The following NOL4L variants were observed in gnomAD, a reference collection of about 807,000 sequenced individuals.
NOL4L encodes nucleolar protein 4 like.
Under a neutral mutation model 64.5 loss-of-function variants are expected in NOL4L, and 7 were observed. The observed-to-expected ratio is 0.11, with a 90% confidence interval of 0.06 to 0.20. The LOEUF is 0.20. Among genes scored for constraint, NOL4L ranks in the 10% least tolerant of loss-of-function variants. The pLI is 1.00. For synonymous variants in NOL4L, 413 were observed against 401.0 expected (o/e 1.03, Z -0.36); for missense variants, 680 against 967.1 (o/e 0.70, Z 3.94).
intron 9 of NOL4L, 139 bp from the exon 10 acceptor site, chr20:32,452,576 T>G: frequency 1.2e-6 from 1 of 861,202 alleles, no homozygotes; most frequent in Non-Finnish European, 1.7e-6. Context: ...TGGGATTCTG[T>G]CTGTCCCCTC....
intron 3 of NOL4L, among the ~76,000 whole-genome samples, chr20:32,518,889 G>A (rs1026243656): frequency 4.6e-5 from 7 of 152,240 alleles, no homozygotes; most frequent in African/African-American, 1.7e-4. Context: ...CCACGTGGGT[G>A]GCAGCATTCA....
At chr20:32,471,355 C>G (rs117753447) in intron 5 of NOL4L, among the ~76,000 whole-genome samples, 1 of 148,022 alleles carries the variant, frequency 6.8e-6, no homozygotes, top group South Asian at 2.1e-4. Context: ...GGCTCAGAGG[C>G]AAGCTCCCGG....
At chr20:32,447,927 G>A in intron 10 of NOL4L, 111 bp from the exon 11 acceptor site, 1 of 1,377,160 alleles carries the variant, frequency 7.3e-7, no homozygotes, top group Non-Finnish European at 9.7e-7. Flanking sequence ...ACTGTGAGTT[G>A]GGCACTGAAG....
Position 32,523,496 on chromosome 20 carries a change from C to T in NOL4L, c.478-2574G>A, listed in dbSNP as rs117955465. Among the ~76,000 whole-genome samples, 59 of 152,294 alleles carry T rather than the reference C, an allele frequency of 3.9e-4. No homozygotes were observed. In the East Asian group the frequency reaches 8.9e-3, roughly 23 times the overall value. ...CCATTTCTGATTGAGTGCACGAATG[C>T]CCAAGGCCACAGGACCACAGAATGA... On this transcript the variant is annotated intron_variant, in intron 2 of 10. Coordinates refer to ENST00000621426, the MANE Select transcript of NOL4L (RefSeq NM_001256798.2).
chr20:32,495,816 G>T (rs2016665706), intron 4 of NOL4L, among the ~76,000 whole-genome samples: 1 of 152,086 alleles, frequency 6.6e-6, no homozygotes, highest in Non-Finnish European at 1.5e-5. Context: ...CATTAGCTGG[G>T]CGCGGTGTTG....
intron 1 of NOL4L, among the ~76,000 whole-genome samples, chr20:32,553,034 T>G (rs1978405691): frequency 6.6e-6 from 1 of 152,136 alleles, no homozygotes. Context: ...GGAATCCTAC[T>G]TTACAGTGTG....
At position 32,456,141 on chromosome 20, in the gene NOL4L, A is replaced by G; in HGVS notation, c.1096T>C (p.Tyr366His). The G allele has an allele frequency of 6.4e-7, 1 of 1,551,246 alleles. No individual in the cohort carries two copies. The highest frequency in any genetic ancestry group is 8.7e-7 in the Non-Finnish European group (1 of 1,145,748). The change falls in exon 6 of 11, where the codon TAC becomes CAC. Residue 366 changes from tyrosine to histidine, a missense_variant. Physicochemically the swap from Tyr to His is moderately conservative, Grantham distance 83. Transcript: ENST00000621426. ...ACCTCGGGGGTGGTCTTCACCCCGT[A>G]TTTGACGCGGCTCCGCAGCCCGTCG... ...GADGLRSRVKYGVKTTPESPP... is the reference protein window; with the variant it reads ...GADGLRSRVKHGVKTTPESPP...
intron 4 of NOL4L, among the ~76,000 whole-genome samples, chr20:32,482,717 G>A (rs954542321): frequency 6.6e-6 from 1 of 151,462 alleles, no homozygotes; most frequent in African/African-American, 2.4e-5. Context: ...TCCCCTCCCG[G>A]GAGGGACCCG....
At chr20:32,560,046 G>A (rs1365009090) in intron 1 of NOL4L, among the ~76,000 whole-genome samples, 1 of 152,246 alleles carries the variant, frequency 6.6e-6, no homozygotes, top group African/African-American at 2.4e-5. Flanking sequence ...CTTGCTCCAG[G>A]GCACTCGCAG....
rs1379405445 is a variant in NOL4L at position 32,563,390 on chromosome 20, A to G, written c.321+21180T>C. ...CTGGGTCAGGCCCTATTCTAGGCAC[A>G]TGGCCAACCAGTATCTCGATGACTC... On this transcript the variant is annotated intron_variant, in intron 1 of 10. Coordinates refer to ENST00000621426, the MANE Select transcript of NOL4L (RefSeq NM_001256798.2). Among the ~76,000 whole-genome samples, 24 of 151,826 alleles carry G rather than the reference A, an allele frequency of 1.6e-4. 1 individual carries two copies. The highest frequency in any genetic ancestry group is 1.4e-3 in the Admixed American group (22 of 15,258).
chr20:32,543,585 C>T (rs1041393631), intron 1 of NOL4L, among the ~76,000 whole-genome samples: 31 of 151,558 alleles, frequency 2.0e-4, no homozygotes, highest in Admixed American at 1.3e-3. Flanking sequence ...TGCCATTGCA[C>T]TCTAGCCTGA....
intron 1 of NOL4L, among the ~76,000 whole-genome samples, chr20:32,545,428 C>G (rs1254387264): frequency 6.6e-6 from 1 of 152,238 alleles, no homozygotes; most frequent in East Asian, 1.9e-4. Context: ...ACGTTGACAT[C>G]TCCAGCATGG....
chr20:32,524,277 G>C (rs1165177905), intron 2 of NOL4L, among the ~76,000 whole-genome samples: 3 of 151,870 alleles, frequency 2.0e-5, no homozygotes, highest in Admixed American at 1.3e-4. Context: ...CTGCACCTCA[G>C]GTCACACTGA....
At chr20:32,559,992 C>T (rs1024255907) in intron 1 of NOL4L, among the ~76,000 whole-genome samples, 6 of 152,268 alleles carry the variant, frequency 3.9e-5, no homozygotes, top group African/African-American at 7.2e-5. Context: ...GGCGGTGTGC[C>T]CGGCCCCCTG....
intron 1 of NOL4L, chr20:32,535,837 C>T: frequency 4.1e-6 from 4 of 985,546 alleles, no homozygotes; most frequent in Non-Finnish European, 4.8e-6. Flanking sequence ...TGGGGAAATG[C>T]AGATCCGAAT....
rs749552972 is a variant in NOL4L, at chr20:32,505,992, T to C, written c.699+5355A>G. Among the ~76,000 whole-genome samples the C allele has an allele frequency of 9.2e-5, 14 of 152,348 alleles. No individual in the cohort carries two copies. The South Asian group carries it at 1.0e-3, about 11-fold the overall frequency. On this transcript the variant is annotated intron_variant, in intron 4 of 10. Coordinates refer to ENST00000621426, the MANE Select transcript of NOL4L (RefSeq NM_001256798.2). The stretch of plus-strand genomic sequence containing the variant: ...TGATGGTTGTGCAACATTGTGAATA[T>C]ACTCAATGCCACTCAATTATATACT...
intron 4 of NOL4L, among the ~76,000 whole-genome samples, chr20:32,499,770 A>AT (rs1186383670): frequency 3.4e-5 from 5 of 147,176 alleles, no homozygotes; most frequent in Non-Finnish European, 7.5e-5. Context: ...AGGAACAATT[A>AT]TTTTTTTCAA....
rs1389573635 is a variant in NOL4L at position 32,453,392 on chromosome 20, T to G, written c.1409A>C (p.Gln470Pro). The change falls in exon 8 of 11, where the codon CAG becomes CCG. Residue 470 changes from glutamine (Q) to proline (P), a missense_variant. This residue lies in a region of NOL4L where 70 missense variants were observed against 166.1 expected (regional missense o/e 0.42). Coordinates refer to ENST00000621426, the MANE Select transcript of NOL4L (RefSeq NM_001256798.2). This position sits in a 1 kb window ranked among gnomAD's most constrained non-coding sequence, Gnocchi z 5.6. ...GGCCCGCTCCTGGAACTCAGGGAAC[T>G]GCCGGCTGCAGGACTCGATGATGGC... ...IQAIIESCSR[Q>P]FPEFQERARK... 6.2e-7 allele frequency: 1 copy of G among 1,613,982 alleles called. No individual in the cohort carries two copies. The highest frequency in any genetic ancestry group is 8.5e-7 in the Non-Finnish European group (1 of 1,180,016).
chr20:32,499,255 T>C (rs2016821600), intron 4 of NOL4L, among the ~76,000 whole-genome samples: 1 of 152,078 alleles, frequency 6.6e-6, no homozygotes, highest in Non-Finnish European at 1.5e-5. Context: ...GTGCTGTCCA[T>C]GTTTAGAGCC....
Sources: gnomAD v4.1 joint callset for allele counts (sites outside exome capture counted in the v4.1 genomes callset) on GRCh38, gnomAD v4.1.1 for gene constraint, gnomAD v4.1.1 regional missense constraint, Gnocchi (gnomAD v3.1) non-coding constraint, MANE v1.5 for transcripts, NCBI Gene and HGNC (gene_info 2026-07-23, HGNC 2026-07-21) for gene names.